The following CMSS1 variants were observed in gnomAD, a reference collection of about 807,000 sequenced individuals.
CMSS1 encodes cms1 ribosomal small subunit homolog, also known as protein CMSS1.
Under a neutral mutation model 43.5 loss-of-function variants are expected in CMSS1, and 33 were observed. The ratio of observed to expected loss-of-function variants is 0.76; its 90% CI spans 0.57 to 1.01. The LOEUF is 1.01. Among genes scored for constraint, CMSS1 ranks in the 50% least tolerant of loss-of-function variants. The pLI, the probability that CMSS1 is intolerant of heterozygous loss-of-function variation, is 0.00. For synonymous variants in CMSS1, 115 were observed against 117.2 expected (o/e 0.98, Z 0.12); for missense variants, 313 against 326.4 (o/e 0.96, Z 0.32).
intron 1 of CMSS1, among the ~76,000 whole-genome samples, chr3:100,097,380 A>G (rs1004990626): frequency 6.6e-6 from 1 of 152,220 alleles, no homozygotes; most frequent in East Asian, 1.9e-4. Context: ...CATGGATTAT[A>G]TGCAAATACT....
intron 1 of CMSS1, among the ~76,000 whole-genome samples, chr3:100,039,485 A>T (rs896713408): frequency 1.3e-5 from 2 of 152,238 alleles, no homozygotes; most frequent in Non-Finnish European, 2.9e-5. Flanking sequence ...AAAGGAAAAC[A>T]GTAAAATTTA....
chr3:99,847,526 A>G (rs1028385985), intron 1 of CMSS1, among the ~76,000 whole-genome samples: 2 of 152,128 alleles, frequency 1.3e-5, no homozygotes, highest in African/African-American at 4.8e-5. Flanking sequence ...GCTTCCTATC[A>G]CATGTCAGAG....
chr3:99,830,951 T>C (rs141093505), intron 1 of CMSS1, among the ~76,000 whole-genome samples: 3 of 152,272 alleles, frequency 2.0e-5, no homozygotes, highest in African/African-American at 7.2e-5. Context: ...TCGAATGAGA[T>C]TGTCTTTAAG....
At chr3:100,026,889 A>T (rs1395729343) in intron 1 of CMSS1, among the ~76,000 whole-genome samples, 2 of 152,074 alleles carry the variant, frequency 1.3e-5, no homozygotes, top group African/African-American at 2.4e-5. Flanking sequence ...TCCGCATCTT[A>T]CTCAGCATGA....
At chr3:99,855,121 T>C (rs1460707515) in intron 1 of CMSS1, among the ~76,000 whole-genome samples, 1 of 152,202 alleles carries the variant, frequency 6.6e-6, no homozygotes, top group Non-Finnish European at 1.5e-5. Flanking sequence ...CTGCCAATTG[T>C]TGTTCATTAT....
chr3:100,096,415 G>T (rs1173740282), intron 1 of CMSS1, among the ~76,000 whole-genome samples: 2 of 152,150 alleles, frequency 1.3e-5, no homozygotes, highest in Admixed American at 1.3e-4. Flanking sequence ...AAACACAATG[G>T]ATACTATTCA....
intron 1 of CMSS1, 51 bp from the exon 2 acceptor site, chr3:100,146,922 T>TG: frequency 6.3e-7 from 1 of 1,579,066 alleles, no homozygotes; most frequent in Non-Finnish European, 8.6e-7. Flanking sequence ...AAGATTGCAC[T>TG]AGCAATGAGA....
At chr3:100,031,108 A>G (rs906312621) in intron 1 of CMSS1, among the ~76,000 whole-genome samples, 11 of 152,076 alleles carry the variant, frequency 7.2e-5, no homozygotes, top group Non-Finnish European at 1.6e-4. Flanking sequence ...TTTTTCTGCT[A>G]TAATTTAGAA....
Position 100,066,722 on chromosome 3 carries a change from G to A in CMSS1, c.65-80251G>A, listed in dbSNP as rs1383850801. 2.1e-5 allele frequency among the ~76,000 whole-genome samples: 2 copies of A among 97,352 alleles called. 1 individual carries two copies. Among genetic ancestry groups the A allele is most frequent in the Non-Finnish European group, 4.8e-5 (2 of 42,080 alleles). 63.9% of individuals were successfully genotyped at this position (97,352 alleles called of 152,430 possible). A position where few individuals can be genotyped will look rare whatever the true frequency, so the allele number is the denominator to read the frequency against. On this transcript the variant is annotated intron_variant, in intron 1 of 9. Coordinates refer to ENST00000421999, the MANE Select transcript of CMSS1 (RefSeq NM_032359.4). ...AATTTTTTGTATTTTTAGTAGAGAC[G>A]GGGTTTCACCATTTTAGCCGGGATG... is the stretch of plus-strand genomic sequence containing the variant.
At chr3:100,151,783 A>G (rs1356068044) in intron 2 of CMSS1, among the ~76,000 whole-genome samples, 2 of 152,172 alleles carry the variant, frequency 1.3e-5, no homozygotes, top group Admixed American at 6.5e-5. Context: ...TTCAATGTGC[A>G]GAATATACTC....
intron 8 of CMSS1, among the ~76,000 whole-genome samples, chr3:100,173,476 T>C (rs1354866966): frequency 6.6e-6 from 1 of 152,210 alleles, no homozygotes; most frequent in African/African-American, 2.4e-5. Flanking sequence ...CTAGAGCCTT[T>C]TCCCCTCAAG....
intron 1 of CMSS1, chr3:99,848,575 ACT>A (rs1216300756): frequency 1.9e-6 from 3 of 1,613,690 alleles, no homozygotes; most frequent in Admixed American, 1.7e-5. Flanking sequence ...GTCTGGGGAG[ACT>A]CTGAATATCG....
At chr3:100,081,675 G>A (rs1017637062) in intron 1 of CMSS1, among the ~76,000 whole-genome samples, 4 of 152,208 alleles carry the variant, frequency 2.6e-5, no homozygotes, top group Admixed American at 1.3e-4. Flanking sequence ...TCTAAGAAGG[G>A]ATTTTTTAAA....
At position 100,116,340 on chromosome 3, in the gene CMSS1, G is replaced by A. The variant is rs576338683; in HGVS notation, c.65-30633G>A. Among the ~76,000 whole-genome samples the A allele has an allele frequency of 8.5e-4, 129 of 152,184 alleles. 1 individual carries two copies. The highest frequency in any genetic ancestry group is 3.0e-3 in the African/African-American group (123 of 41,526). On this transcript the variant is annotated intron_variant, in intron 1 of 9. Coordinates refer to ENST00000421999, the MANE Select transcript of CMSS1 (RefSeq NM_032359.4). Reference sequence around the variant, plus strand: ...TATCAACATGAGCTCATAAATTGCTGTTTTATTGAATGAGTTATAAATCAC... The same window carrying A: ...TATCAACATGAGCTCATAAATTGCTATTTTATTGAATGAGTTATAAATCAC...
chr3:100,042,920 C>T (rs547995210), intron 1 of CMSS1, among the ~76,000 whole-genome samples: 72 of 152,326 alleles, frequency 4.7e-4, no homozygotes, highest in Non-Finnish European at 9.0e-4. Flanking sequence ...TGTAACAAGT[C>T]CACATTCATC....
At chr3:100,149,175 A>T (rs2107516063) in intron 2 of CMSS1, among the ~76,000 whole-genome samples, 1 of 152,296 alleles carries the variant, frequency 6.6e-6, no homozygotes, top group Non-Finnish European at 1.5e-5. Context: ...AAAACAATAA[A>T]GACCTTTTAT....
At chr3:99,849,126 G>T (rs747674072) in intron 1 of CMSS1, 3 of 1,614,118 alleles carry the variant, frequency 1.9e-6, no homozygotes, top group Admixed American at 1.7e-5. Flanking sequence ...GAGTAGACTG[G>T]CTGCATTTGA....
chr3:99,979,169 C>G (rs773106916), intron 1 of CMSS1, among the ~76,000 whole-genome samples: 5 of 152,076 alleles, frequency 3.3e-5, no homozygotes, highest in Non-Finnish European at 7.4e-5. Flanking sequence ...CACTGTATAC[C>G]TATATCAGAA....
At chr3:99,954,213 C>T (rs1708256136) in intron 1 of CMSS1, among the ~76,000 whole-genome samples, 1 of 152,228 alleles carries the variant, frequency 6.6e-6, no homozygotes, top group African/African-American at 2.4e-5. Flanking sequence ...CCATGCCCAA[C>T]ATCACATAGC....
Sources: allele counts gnomAD v4.1 joint callset (sites outside exome capture counted in the v4.1 genomes callset), GRCh38; gene constraint gnomAD v4.1.1; transcripts MANE v1.5; gene names NCBI Gene and HGNC (gene_info 2026-07-23, HGNC 2026-07-21).